MLLT3: variants seen among roughly 807,000 people sequenced by gnomAD.
MLLT3 encodes protein AF-9.
Under a neutral mutation model 53.2 loss-of-function variants are expected in MLLT3, and 4 were observed. The ratio of observed to expected loss-of-function variants is 0.08; its 90% confidence interval spans 0.04 to 0.17. The LOEUF is 0.17. Ranked by LOEUF, MLLT3 falls within the 10% of genes least tolerant of loss-of-function variation. The pLI is 1.00. For synonymous variants in MLLT3, 283 were observed against 230.6 expected (o/e 1.23, Z -2.06); for missense variants, 569 against 684.0 (o/e 0.83, Z 1.87).
intron 5 of MLLT3, among the ~76,000 whole-genome samples, chr9:20,404,535 C>G (rs1173769890): frequency 6.6e-6 from 1 of 152,128 alleles, no homozygotes; most frequent in African/African-American, 2.4e-5. Flanking sequence ...GAAACGGTCT[C>G]ACTACATTGC....
chr9:20,558,385 C>G (rs1188999314), intron 2 of MLLT3, among the ~76,000 whole-genome samples: 1 of 152,142 alleles, frequency 6.6e-6, no homozygotes, highest in African/African-American at 2.4e-5. Flanking sequence ...TGCCTGCCTG[C>G]CTGCCTCAGC....
chr9:20,508,101 T>C (rs1240368301), intron 2 of MLLT3, among the ~76,000 whole-genome samples: 2 of 152,232 alleles, frequency 1.3e-5, no homozygotes, highest in African/African-American at 4.8e-5. Context: ...TGTCTCCTAC[T>C]AACCAGAATC....
At chr9:20,567,034 C>A (rs10964617) in intron 2 of MLLT3, among the ~76,000 whole-genome samples, 1 of 152,056 alleles carries the variant, frequency 6.6e-6, no homozygotes, top group African/African-American at 2.4e-5. Context: ...ATATAGGATT[C>A]TCAGGGTATC....
In MLLT3 at chr9:20,620,602, C is replaced by A; in HGVS notation, c.193+52G>T. On this transcript the variant is annotated intron_variant, in intron 2 of 10. Coordinates refer to ENST00000380338, the MANE Select transcript of MLLT3 (RefSeq NM_004529.4). The surrounding 1 kb of genome is among the most constrained non-coding windows in gnomAD (Gnocchi z 6.1). ...GGACAGCGGGACCGCCCGGGCCAAG[C>A]GATTGTTTCAAAGACATTTTTTATC... 3 of 1,546,642 alleles carry A rather than the reference C, an allele frequency of 1.9e-6. No homozygotes were observed. Among genetic ancestry groups the A allele is most frequent in the East Asian group, 2.3e-5 (1 of 43,272 alleles).
At chr9:20,611,358 G>T (rs964713944) in intron 2 of MLLT3, among the ~76,000 whole-genome samples, 1 of 151,988 alleles carries the variant, frequency 6.6e-6, no homozygotes, top group Non-Finnish European at 1.5e-5. Flanking sequence ...CCAAGCCACT[G>T]CTATTATTAT....
intron 2 of MLLT3, among the ~76,000 whole-genome samples, chr9:20,473,248 C>T (rs1824438913): frequency 6.6e-6 from 1 of 152,012 alleles, no homozygotes; most frequent in Non-Finnish European, 1.5e-5. Context: ...TTTTCGTCCA[C>T]CAAATGGTTA....
chr9:20,352,432 C>T (rs886694114), intron 10 of MLLT3, among the ~76,000 whole-genome samples: 1 of 152,132 alleles, frequency 6.6e-6, no homozygotes, highest in South Asian at 2.1e-4. Flanking sequence ...CAAAAGAGGC[C>T]TAAGAAGAAT....
chr9:20,540,885 G>A (rs1161357439), intron 2 of MLLT3, among the ~76,000 whole-genome samples: 1 of 152,214 alleles, frequency 6.6e-6, no homozygotes, highest in Non-Finnish European at 1.5e-5. Context: ...TTTATGCTCT[G>A]CTTCCCTTTT....
At chr9:20,610,165 C>T (rs1402508440) in intron 2 of MLLT3, among the ~76,000 whole-genome samples, 1 of 152,120 alleles carries the variant, frequency 6.6e-6, no homozygotes, top group Admixed American at 6.6e-5. Flanking sequence ...CTGCTAAATA[C>T]TGCTCCTACC....
At position 20,365,656 on chromosome 9, in the gene MLLT3, G is replaced by A; in HGVS notation, c.1201+13C>T. On this transcript the variant is annotated intron_variant, in intron 6 of 10. Coordinates refer to ENST00000380338, the MANE Select transcript of MLLT3 (RefSeq NM_004529.4). ...GAGAAAAGCATCTCCTAGTTTGCAT[G>A]AGATGTTGATACCTTGTTGCCTGGT... 1 of 1,614,188 alleles carries A rather than the reference G, an allele frequency of 6.2e-7. No homozygotes were observed. The highest frequency in any genetic ancestry group is 8.5e-7 in the Non-Finnish European group (1 of 1,180,032).
rs371921872 is a variant in MLLT3 at position 20,400,756 on chromosome 9, A to C, written c.1125+12965T>G. ...CAAAAAGAAAAAAAAAACATGTTAA[A>C]GAGAATTTGGTACTTAGTCCATACA... is the stretch of plus-strand genomic sequence containing the variant. On this transcript the variant is annotated intron_variant, in intron 5 of 10. Transcript: ENST00000380338. 9.4e-4 allele frequency among the ~76,000 whole-genome samples: 143 copies of C among 152,266 alleles called. 2 individuals are homozygous for C. The South Asian group carries it at 0.027, about 29-fold the overall frequency.
intron 2 of MLLT3, among the ~76,000 whole-genome samples, chr9:20,533,518 A>C (rs10120577): frequency 0.46 from 70,374 of 151,940 alleles, 16,740 homozygotes; most frequent in East Asian, 0.69. Flanking sequence ...AAAAATTAAA[A>C]ATAGAACTAC....
intron 2 of MLLT3, among the ~76,000 whole-genome samples, chr9:20,522,678 G>GT (rs11351527): frequency 1.3e-5 from 2 of 151,868 alleles, no homozygotes; most frequent in East Asian, 3.9e-4. Context: ...AAAAACAGTT[G>GT]TTTTTTTTCT....
intron 5 of MLLT3, among the ~76,000 whole-genome samples, chr9:20,397,878 G>A (rs1209800227): frequency 6.6e-6 from 1 of 151,866 alleles, no homozygotes; most frequent in East Asian, 1.9e-4. Context: ...TGTATCCAAT[G>A]AATATAATTA....
chr9:20,575,012 C>T (rs1371735207), intron 2 of MLLT3, among the ~76,000 whole-genome samples: 1 of 152,200 alleles, frequency 6.6e-6, no homozygotes, highest in Non-Finnish European at 1.5e-5. Context: ...CTTGGCTCTT[C>T]CATAAGAAGC....
chr9:20,540,640 G>T (rs965249371), intron 2 of MLLT3, among the ~76,000 whole-genome samples: 1 of 152,238 alleles, frequency 6.6e-6, no homozygotes, highest in South Asian at 2.1e-4. Context: ...CAAAGCAGCA[G>T]GGTCCTGGGC....
chr9:20,418,707 C>G (rs1387804021), intron 4 of MLLT3, among the ~76,000 whole-genome samples: 1 of 152,088 alleles, frequency 6.6e-6, no homozygotes, highest in African/African-American at 2.4e-5. Context: ...GCCTGGAATT[C>G]CTGGGCTCAA....
intron 5 of MLLT3, among the ~76,000 whole-genome samples, chr9:20,379,953 A>G (rs1178797600): frequency 1.3e-5 from 2 of 152,096 alleles, no homozygotes; most frequent in African/African-American, 4.8e-5. Context: ...GGATTCAAGA[A>G]GAATCTCTAT....
chr9:20,615,361 A>G (rs1375528948), intron 2 of MLLT3, among the ~76,000 whole-genome samples: 26 of 11,756 alleles, frequency 2.2e-3, no homozygotes, highest in South Asian at 0.013. Context: ...AGACCATGTG[A>G]AAAAAAAAAA....
Sources: gnomAD v4.1 joint callset for allele counts (sites outside exome capture counted in the v4.1 genomes callset) on GRCh38, gnomAD v4.1.1 for gene constraint, Gnocchi (gnomAD v3.1) non-coding constraint, MANE v1.5 for transcripts, NCBI Gene and HGNC (gene_info 2026-07-23, HGNC 2026-07-21) for gene names.